Variants in CLIP2 observed in about 807,000 individuals in gnomAD.
CLIP2 encodes CAP-Gly domain-containing linker protein 2.
A neutral mutation model predicts 111.7 loss-of-function variants in CLIP2; 41 were observed. The observed-to-expected ratio is 0.37, with a 90% CI of 0.29 to 0.48. The LOEUF is 0.48. CLIP2 is among the 20% of genes least tolerant of loss of function. The pLI is 0.99. For synonymous variants in CLIP2, 660 were observed against 644.2 expected, an observed-to-expected ratio of 1.02 and a Z score of -0.37; for missense variants, 1,160 against 1,422.1, an observed-to-expected ratio of 0.82 and a Z score of 2.96.
At chr7:74,387,584 T>C (rs1791150108) in intron 12 of CLIP2, among the ~76,000 whole-genome samples, 1 of 152,174 alleles carries the variant, frequency 6.6e-6, no homozygotes, top group African/African-American at 2.4e-5. Context: ...AGAACACCAG[T>C]GGTGGTGGGC....
At chr7:74,336,851 G>GTTTTTTTTGTTTTTT (rs1564048924) in intron 2 of CLIP2, among the ~76,000 whole-genome samples, 1 of 21,606 alleles carries the variant, frequency 4.6e-5, no homozygotes, top group Non-Finnish European at 2.2e-4. Context: ...ATGGTTGTTT[G>GTTTTTTTTGTTTTTT]TTTTTTTTGT....
At chr7:74,300,458 T>C (rs1346101840) in intron 1 of CLIP2, among the ~76,000 whole-genome samples, 2 of 12,728 alleles carry the variant, frequency 1.6e-4, no homozygotes, top group Non-Finnish European at 2.9e-4. Flanking sequence ...GATTTCATTC[T>C]TTTTTTTTTT....
intron 1 of CLIP2, among the ~76,000 whole-genome samples, 156 bp downstream of exon 1, chr7:74,289,890 G>A (rs1554725137): frequency 6.6e-6 from 1 of 151,940 alleles, no homozygotes; most frequent in East Asian, 1.9e-4. Flanking sequence ...CGGCCGGTGG[G>A]CGTGGGCGGG....
intron 2 of CLIP2, among the ~76,000 whole-genome samples, chr7:74,328,358 G>A (rs1789178095): frequency 6.6e-6 from 1 of 152,186 alleles, no homozygotes; most frequent in Non-Finnish European, 1.5e-5. Context: ...GATTTTTGGG[G>A]CACTGATGCA....
intron 11 of CLIP2, among the ~76,000 whole-genome samples, chr7:74,384,553 C>A (rs1252592989): frequency 6.9e-6 from 1 of 144,952 alleles, no homozygotes; most frequent in African/African-American, 2.6e-5. Flanking sequence ...TCAAGCGATT[C>A]TCCTGCCTCA....
intron 14 of CLIP2, 41 bp from the exon 15 acceptor site, chr7:74,400,329 A>G (rs782264003): frequency 9.8e-6 from 15 of 1,523,450 alleles, no homozygotes; most frequent in Admixed American, 9.5e-5. Flanking sequence ...CAACACACAC[A>G]CGCACACTCA....
At chr7:74,360,903 T>C (rs1554309581) in intron 7 of CLIP2, among the ~76,000 whole-genome samples, 1 of 152,020 alleles carries the variant, frequency 6.6e-6, no homozygotes, top group African/African-American at 2.4e-5. Flanking sequence ...CAGCAGAATA[T>C]TGAGAAGAGG....
At chr7:74,390,197 G>GAAAGAAAGAAAGAA (rs1791253197) in intron 13 of CLIP2, among the ~76,000 whole-genome samples, 1 of 137,356 alleles carries the variant, frequency 7.3e-6, no homozygotes, top group African/African-American at 2.6e-5. Context: ...AAGAAAGAAA[G>GAAAGAAAGAAAGAA]AAAGAAAGAA....
chr7:74,328,112 G>A (rs1019877610), intron 2 of CLIP2, among the ~76,000 whole-genome samples: 2 of 152,088 alleles, frequency 1.3e-5, no homozygotes, highest in Admixed American at 1.3e-4. Context: ...AGAGAGGTGA[G>A]TTTCAGACGG....
In CLIP2 at chr7:74,376,548, T is replaced by C; in HGVS notation, c.2147T>C (p.Leu716Pro). The C allele has an allele frequency of 1.2e-6, 2 of 1,605,520 alleles. No individual in the cohort carries two copies. The highest frequency in any genetic ancestry group is 1.7e-6 in the Non-Finnish European group (2 of 1,177,062). Residue 716 changes from leucine (L) to proline (P), a missense_variant, in exon 10 of 17, where the codon CTG (leucine) becomes CCG (proline). Around this residue, in one of 5 missense-constraint regions of CLIP2, gnomAD observed 676 missense variants for 777.8 expected, o/e 0.87. Transcript: ENST00000223398. This position sits in a 1 kb window ranked among gnomAD's most constrained non-coding sequence, Gnocchi z 7.1. ...GAGGTGCAAGCCAGCCAGCACCGGCTGGAGCTGCAGGAGGCCCAGGACCAG... is the reference window on the plus strand; with the variant it reads ...GAGGTGCAAGCCAGCCAGCACCGGCCGGAGCTGCAGGAGGCCCAGGACCAG... ...QLEVQASQHR[L>P]ELQEAQDQRR...
chr7:74,308,371 C>T (rs1274261984), intron 1 of CLIP2, among the ~76,000 whole-genome samples: 4 of 152,124 alleles, frequency 2.6e-5, no homozygotes, highest in African/African-American at 9.7e-5. Flanking sequence ...GGTGTCTGAC[C>T]AGCTGGGCTG....
intron 1 of CLIP2, among the ~76,000 whole-genome samples, chr7:74,311,311 T>A (rs968075300): frequency 6.6e-6 from 1 of 152,182 alleles, no homozygotes; most frequent in Non-Finnish European, 1.5e-5. Flanking sequence ...ACTGCCCAAC[T>A]GTTTTCCGAA....
chr7:74,361,037 G>A (rs988570493), intron 7 of CLIP2, among the ~76,000 whole-genome samples: 3 of 151,386 alleles, frequency 2.0e-5, no homozygotes, highest in Non-Finnish European at 4.4e-5. Flanking sequence ...CTCACAGTGC[G>A]CCCCTCCCCA....
intron 16 of CLIP2, among the ~76,000 whole-genome samples, chr7:74,401,993 T>A (rs1258315813): frequency 6.6e-6 from 1 of 151,700 alleles, no homozygotes; most frequent in African/African-American, 2.4e-5. Flanking sequence ...CTGGGCACAG[T>A]GGCTCATGTC....
At chr7:74,305,749 C>G (rs1788461503) in intron 1 of CLIP2, among the ~76,000 whole-genome samples, 1 of 152,062 alleles carries the variant, frequency 6.6e-6, no homozygotes, top group Non-Finnish European at 1.5e-5. Flanking sequence ...CTGTCTTGGC[C>G]TCCCAAAGTG....
chr7:74,396,821 C>T (rs940183569), intron 13 of CLIP2, among the ~76,000 whole-genome samples: 2 of 152,052 alleles, frequency 1.3e-5, no homozygotes, highest in African/African-American at 4.8e-5. Context: ...GTGCTCTGCA[C>T]TCCCCCCACA....
chr7:74,293,258 G>A (rs1165970307), intron 1 of CLIP2, among the ~76,000 whole-genome samples: 2 of 152,192 alleles, frequency 1.3e-5, no homozygotes, highest in Non-Finnish European at 2.9e-5. Context: ...ACAATTGGAG[G>A]CGACCTGGCC....
intron 8 of CLIP2, among the ~76,000 whole-genome samples, chr7:74,371,506 AG>A (rs1790619726): frequency 7.8e-6 from 1 of 128,304 alleles, no homozygotes; most frequent in Non-Finnish European, 1.6e-5. Context: ...ACACACTGCC[AG>A]GAGGGAGGCG....
intron 14 of CLIP2, among the ~76,000 whole-genome samples, chr7:74,398,340 CAG>C (rs1181148537): frequency 6.6e-6 from 1 of 151,736 alleles, no homozygotes; most frequent in Non-Finnish European, 1.5e-5. Flanking sequence ...GCCTGGGCGA[CAG>C]AGTGAGACTT....
Sources: gnomAD v4.1 joint callset for allele counts (sites outside exome capture counted in the v4.1 genomes callset) on GRCh38, gnomAD v4.1.1 for gene constraint, gnomAD v4.1.1 regional missense constraint, Gnocchi (gnomAD v3.1) non-coding constraint, MANE v1.5 for transcripts, NCBI Gene and HGNC (gene_info 2026-07-23, HGNC 2026-07-21) for gene names.